The following DHRS4L2 variants were observed in gnomAD, a reference collection of about 807,000 sequenced individuals.
The protein encoded by DHRS4L2 is dehydrogenase/reductase 4 like 2, also known as dehydrogenase/reductase SDR family member 4-like 2.
Under a neutral mutation model 23.9 loss-of-function variants are expected in DHRS4L2, and 22 were observed. The observed-to-expected ratio is 0.92, with a 90% CI of 0.66 to 1.31. DHRS4L2 has a LOEUF of 1.31. Among genes scored for constraint, DHRS4L2 ranks in the 40% most tolerant of loss-of-function variants. The pLI, the probability that DHRS4L2 is intolerant of heterozygous loss-of-function variation, is 0.00. For missense variants in DHRS4L2, 385 were observed against 303.3 expected (o/e 1.27, Z -2.00); for synonymous variants, 141 against 123.7 (o/e 1.14, Z -0.93).
At chr14:23,997,627 T>G (rs1175934159) in intron 3 of DHRS4L2, among the ~76,000 whole-genome samples, 2 of 146,860 alleles carry the variant, frequency 1.4e-5, no homozygotes, top group African/African-American at 2.7e-5. Context: ...CCACTTTCTT[T>G]GCTTATCCGT....
At chr14:23,983,970 G>A (rs1328506774), upstream of DHRS4L2, among the ~76,000 whole-genome samples, 4 of 151,078 alleles carry the variant, frequency 2.6e-5, no homozygotes, top group South Asian at 2.1e-4. Flanking sequence ...ACCATGGCAC[G>A]TTTATACCTA....
intron 2 of DHRS4L2, among the ~76,000 whole-genome samples, chr14:23,994,130 T>A (rs55691977): frequency 0.023 from 3,360 of 148,700 alleles, 100 homozygotes; most frequent in Middle Eastern, 0.055. Context: ...GTAACTTTCT[T>A]CAGCTCTATT....
rs1285904463 is a variant in DHRS4L2 at position 24,004,263 on chromosome 14, C to T, written c.666-74C>T. The T allele has an allele frequency of 1.3e-5, 19 of 1,441,200 alleles. 1 individual carries two copies. Among genetic ancestry groups the T allele is most frequent in the East Asian group, 2.6e-5 (1 of 38,654 alleles). The allele number at this position is 1,441,200 out of a possible 1,614,324, so 89.3% of individuals were successfully genotyped here. Reference sequence around the variant, plus strand: ...CGGCCTGGGCAAAAGAGCAAGACTCCGTCTCTAAAAAAAAAAAAAAAAAAA... The same window carrying T: ...CGGCCTGGGCAAAAGAGCAAGACTCTGTCTCTAAAAAAAAAAAAAAAAAAA... On this transcript the variant is annotated intron_variant, in intron 6 of 7. Transcript: ENST00000335125.
intron 7 of DHRS4L2, among the ~76,000 whole-genome samples, chr14:24,005,608 A>T (rs2034557342): frequency 6.6e-6 from 1 of 152,074 alleles, no homozygotes. Context: ...TTATCTATAT[A>T]ACTTTGGATT....
At chr14:23,972,780 A>C (rs1413009523) in intron 1 of DHRS4L2, among the ~76,000 whole-genome samples, 2 of 151,996 alleles carry the variant, frequency 1.3e-5, no homozygotes, top group East Asian at 3.9e-4. Context: ...ATTTCAGTAA[A>C]AAGGAATGTA....
chr14:23,991,203 A>C (rs986587965), intron 2 of DHRS4L2, among the ~76,000 whole-genome samples: 1 of 151,748 alleles, frequency 6.6e-6, no homozygotes, highest in East Asian at 1.9e-4. Flanking sequence ...GAAGAGGAGG[A>C]TCTTAAGCAA....
chr14:23,988,858 A>G, upstream of DHRS4L2: 1 of 1,513,678 alleles, frequency 6.6e-7, no homozygotes, highest in Non-Finnish European at 8.9e-7. Flanking sequence ...GGGGGCAGGC[A>G]GGGAAGCGGC....
At chr14:23,981,195 C>G (rs562377695) in intron 1 of DHRS4L2, among the ~76,000 whole-genome samples, 1 of 151,698 alleles carries the variant, frequency 6.6e-6, no homozygotes, top group African/African-American at 2.4e-5. Context: ...AGTGAACTCC[C>G]ATTCGCGACT....
At chr14:23,984,100 A>T (rs568952871), upstream of DHRS4L2, among the ~76,000 whole-genome samples, 21 of 151,702 alleles carry the variant, frequency 1.4e-4, no homozygotes, top group African/African-American at 5.1e-4. Flanking sequence ...AAAGAAAAGA[A>T]ATGCAATTTG....
intron 3 of DHRS4L2, among the ~76,000 whole-genome samples, chr14:23,996,843 C>G (rs1431484266): frequency 3.9e-5 from 6 of 151,912 alleles, no homozygotes; most frequent in African/African-American, 1.4e-4. Flanking sequence ...CTGTGTTGCT[C>G]AGGCTGGTCT....
intron 1 of DHRS4L2, among the ~76,000 whole-genome samples, chr14:23,980,579 A>T: frequency 6.7e-6 from 1 of 148,214 alleles, no homozygotes; most frequent in Non-Finnish European, 1.5e-5. Context: ...AACTGAATCC[A>T]GCAACACATC....
At chr14:23,982,634 T>C (rs1389478577) in intron 1 of DHRS4L2, among the ~76,000 whole-genome samples, 1 of 151,504 alleles carries the variant, frequency 6.6e-6, no homozygotes, top group Non-Finnish European at 1.5e-5. Context: ...GAACAGAGGC[T>C]GCATAAATAA....
Position 24,001,519 on chromosome 14 carries a change from T to G in DHRS4L2, c.665+2T>G, listed in dbSNP as rs1169939561. 1 of 1,602,158 alleles carries G rather than the reference T, an allele frequency of 6.2e-7. No homozygotes were observed. Among genetic ancestry groups the G allele is most frequent in the Non-Finnish European group, 8.5e-7 (1 of 1,177,922 alleles). ...ATCAAGACTAGCTTCAGCAGGATGG[T>G]GAGGAAGGGGAGCTTTGCATTTGAC... On this transcript the variant is annotated splice_donor_variant, in intron 6 of 7. Transcript: ENST00000335125. LOFTEE classifies it high-confidence loss of function.
intron 6 of DHRS4L2, 34 bp from the exon 7 acceptor site, chr14:24,004,303 A>G: frequency 6.4e-7 from 1 of 1,557,698 alleles, no homozygotes; most frequent in Non-Finnish European, 8.6e-7. Context: ...GGAAAAGAAA[A>G]AAAAACATAA....
upstream of DHRS4L2, chr14:23,988,897 C>G: frequency 6.2e-7 from 1 of 1,602,600 alleles, no homozygotes; most frequent in South Asian, 1.1e-5. Context: ...CTTCGCCCTA[C>G]TCTGTCACCT....
At chr14:23,977,617 G>T (rs1227616880) in intron 1 of DHRS4L2, among the ~76,000 whole-genome samples, 2 of 151,752 alleles carry the variant, frequency 1.3e-5, no homozygotes, top group African/African-American at 4.8e-5. Flanking sequence ...CTTGAGACGT[G>T]ACTGTGATCT....
chr14:23,984,604 G>A (rs944356812), upstream of DHRS4L2, among the ~76,000 whole-genome samples: 10 of 151,374 alleles, frequency 6.6e-5, 1 homozygote, highest in South Asian at 2.1e-4. Context: ...AAACCATCCT[G>A]GCCAACATGG....
Position 23,971,407 on chromosome 14 carries a change from T to C in DHRS4L2, c.-176+1075T>C, listed in dbSNP as rs373258852. Among the ~76,000 whole-genome samples the C allele has an allele frequency of 1.7e-4, 26 of 151,996 alleles. No homozygotes were observed. The East Asian group carries it at 2.1e-3, about 12-fold the overall frequency. On this transcript the variant is annotated intron_variant, in intron 1 of 5. Transcript: ENST00000534993. ...CAAGTGGAAGAAAGGATATCAGTGA[T>C]TGAAGATAAAATTAATGAAATAAAG...
chr14:24,006,120 T>G lies in DHRS4L2; in HGVS notation c.*257T>G. ...ACTGTTCACCTCATCAAATCAGTTC[T>G]GCCCTGTGAAAAGATCCAGCCTTCC... On this transcript the variant is annotated 3_prime_UTR_variant, in exon 8 of 8. Coordinates refer to ENST00000335125, the MANE Select transcript of DHRS4L2 (RefSeq NM_198083.4). 1 of 1,283,782 alleles carries G rather than the reference T, an allele frequency of 7.8e-7. No homozygotes were observed. Among genetic ancestry groups the G allele is most frequent in the Non-Finnish European group, 1.0e-6 (1 of 952,586 alleles). 79.5% of individuals were successfully genotyped at this position (1,283,782 alleles called of 1,614,324 possible). A position where few individuals can be genotyped will look rare whatever the true frequency, so the allele number is the denominator to read the frequency against.
Sources: allele counts gnomAD v4.1 joint callset (sites outside exome capture counted in the v4.1 genomes callset), GRCh38; gene constraint gnomAD v4.1.1; transcripts MANE v1.5; gene names NCBI Gene and HGNC (gene_info 2026-07-23, HGNC 2026-07-21).